Variants in PCDHGA3 observed in about 807,000 individuals in gnomAD.
The protein encoded by PCDHGA3 is protocadherin gamma-A3.
A neutral mutation model predicts 58.5 loss-of-function variants in PCDHGA3; 40 were observed. The observed-to-expected ratio is 0.68, with a 90% CI of 0.53 to 0.89. The LOEUF (loss-of-function observed/expected upper bound fraction) is 0.89. Ranked by LOEUF, PCDHGA3 falls within the 40% of genes least tolerant of loss-of-function variation. The probability of loss-of-function intolerance (pLI) is 0.00; values close to 1 mark genes in which losing one functional copy is unlikely to be tolerated. For missense variants in PCDHGA3, 1,223 were observed against 1,195.9 expected, an observed-to-expected ratio of 1.02 and a Z score of -0.33; for synonymous variants, 530 against 525.7, an observed-to-expected ratio of 1.01 and a Z score of -0.11.
chr5:141,351,889 C>A (rs1758860540), intron 1 of PCDHGA3: 1 of 1,613,278 alleles, frequency 6.2e-7, no homozygotes, highest in Non-Finnish European at 8.5e-7. Context: ...CCAACGTGAG[C>A]CTGCGCGTGT....
At position 141,491,093 on chromosome 5, in the gene PCDHGA3, T is replaced by G; in HGVS notation, c.2425-3714T>G. The G allele has an allele frequency of 6.2e-7, 1 of 1,614,160 alleles. No individual in the cohort carries two copies. The highest frequency in any genetic ancestry group is 8.5e-7 in the Non-Finnish European group (1 of 1,180,008). On this transcript the variant is annotated intron_variant, in intron 1 of 3. Transcript: ENST00000253812. This position sits in a 1 kb window ranked among gnomAD's most constrained non-coding sequence, Gnocchi z 6.9. ...TTGCCACAGTCCACAGCCCCAGGAC[T>G]GTTCCTCGTGTCTACACACACTGGT... is the stretch of plus-strand genomic sequence containing the variant.
At chr5:141,387,369 G>A (rs2090919487) in intron 1 of PCDHGA3, among the ~76,000 whole-genome samples, 1 of 152,148 alleles carries the variant, frequency 6.6e-6, no homozygotes, top group African/African-American at 2.4e-5. Context: ...CTGTGTTATG[G>A]CTATCTTTAT....
intron 1 of PCDHGA3, among the ~76,000 whole-genome samples, chr5:141,453,067 C>T (rs1227122711): frequency 1.3e-5 from 2 of 152,024 alleles, no homozygotes; most frequent in Admixed American, 6.6e-5. Flanking sequence ...AGAGTTTTGC[C>T]ACACTCTGGT....
chr5:141,432,632 G>A lies in PCDHGA3; in HGVS notation c.2425-62175G>A. 3.7e-6 allele frequency: 6 copies of A among 1,612,834 alleles called. No individual in the cohort carries two copies. The highest frequency in any genetic ancestry group is 5.1e-6 in the Non-Finnish European group (6 of 1,179,706). On this transcript the variant is annotated intron_variant, in intron 1 of 3. Coordinates refer to ENST00000253812, the MANE Select transcript of PCDHGA3 (RefSeq NM_018916.4). The surrounding 1 kb of genome is among the most constrained non-coding windows in gnomAD (Gnocchi z 6.0). ...CTTCTCGGTGGGTCTGCACACGGGC[G>A]AGGTGCGCACGGCGCGAGCCCTGCT...
chr5:141,456,103 T>C lies in PCDHGA3; in HGVS notation c.2425-38704T>C, dbSNP rs185224428. Among the ~76,000 whole-genome samples the C allele has an allele frequency of 2.6e-3, 390 of 152,142 alleles. 3 individuals are homozygous for C. The highest frequency in any genetic ancestry group is 6.7e-3 in the Admixed American group (103 of 15,290). On this transcript the variant is annotated intron_variant, in intron 1 of 3. Coordinates refer to ENST00000253812, the MANE Select transcript of PCDHGA3 (RefSeq NM_018916.4). The stretch of plus-strand genomic sequence containing the variant: ...CAGTAGAGACGGGATTTCACCGTGT[T>C]AGCCAGGATGGTCTCCATCTCCTGA...
At chr5:141,413,767 C>A in intron 1 of PCDHGA3, 1 of 1,612,972 alleles carries the variant, frequency 6.2e-7, no homozygotes, top group South Asian at 1.1e-5. Flanking sequence ...GTACCCGGAG[C>A]TGGTACTGGA....
intron 1 of PCDHGA3, among the ~76,000 whole-genome samples, chr5:141,455,439 C>T (rs966470257): frequency 1.3e-5 from 2 of 152,126 alleles, no homozygotes; most frequent in East Asian, 1.9e-4. Context: ...AGGAGGTCCC[C>T]ATCTACCGCG....
chr5:141,448,135 TA>T (rs2098567569), intron 1 of PCDHGA3, among the ~76,000 whole-genome samples: 1 of 151,880 alleles, frequency 6.6e-6, no homozygotes, highest in South Asian at 2.1e-4. Flanking sequence ...CCACCCTCAC[TA>T]TACCTCAGAC....
chr5:141,346,041 G>A lies in PCDHGA3; in HGVS notation c.2008G>A (p.Asp670Asn), dbSNP rs1757686734. 2 of 1,613,522 alleles carry A rather than the reference G, an allele frequency of 1.2e-6. No individual in the cohort carries two copies. Among genetic ancestry groups the A allele is most frequent in the Non-Finnish European group, 1.7e-6 (2 of 1,179,838 alleles). The change falls in exon 1 of 4, where the codon GAC becomes AAC. Residue 670 changes from aspartate (D) to asparagine (N), a missense_variant. By Grantham distance (23) the Asp-to-Asn change is conservative. Around this residue, in one of 3 missense-constraint regions of PCDHGA3, gnomAD observed 107 missense variants for 159.8 expected, o/e 0.67. Transcript: ENST00000253812. ...LTVAVADRIP[D>N]ILADLGSLEP... is the part of the protein sequence containing the mutation. ...CGTGGCCGTGGCCGACAGGATCCCC[G>A]ACATCCTGGCCGACCTGGGCAGCCT...
At chr5:141,389,603 C>T (rs1166074538) in intron 1 of PCDHGA3, 2 of 1,613,148 alleles carry the variant, frequency 1.2e-6, no homozygotes, top group Admixed American at 1.7e-5. Context: ...CTGCGCTCTT[C>T]GATATGGTGC....
At chr5:141,377,343 C>G (rs1218188915) in intron 1 of PCDHGA3, 1 of 152,110 alleles carries the variant, frequency 6.6e-6, no homozygotes. Context: ...TGGTGGTTCA[C>G]GCCTGTAATC....
chr5:141,388,373 T>TA (rs1239214460), intron 1 of PCDHGA3: 2 of 1,613,980 alleles, frequency 1.2e-6, no homozygotes, highest in African/African-American at 2.7e-5. Context: ...CGGATATTGG[T>TA]AGCAACACAC....
At chr5:141,464,426 G>GAT (rs1287556960) in intron 1 of PCDHGA3, among the ~76,000 whole-genome samples, 1 of 151,096 alleles carries the variant, frequency 6.6e-6, no homozygotes, top group African/African-American at 2.4e-5. Flanking sequence ...TATATATATA[G>GAT]ATATATATGT....
intron 1 of PCDHGA3, among the ~76,000 whole-genome samples, chr5:141,373,021 T>C (rs2150016771): frequency 6.6e-6 from 1 of 152,328 alleles, no homozygotes; most frequent in Non-Finnish European, 1.5e-5. Flanking sequence ...CTTTTGATAG[T>C]CTTGAAACTT....
chr5:141,497,626 G>T (rs1373764805), intron 2 of PCDHGA3, among the ~76,000 whole-genome samples: 3 of 149,502 alleles, frequency 2.0e-5, no homozygotes, highest in Non-Finnish European at 4.4e-5. Flanking sequence ...TGCAACCTCT[G>T]CCTGCCAGGT....
chr5:141,447,312 G>C (rs2098534178), intron 1 of PCDHGA3, among the ~76,000 whole-genome samples: 2 of 151,918 alleles, frequency 1.3e-5, no homozygotes, highest in African/African-American at 2.4e-5. Flanking sequence ...GCTAATTTTT[G>C]TATTTTTAGT....
At chr5:141,492,468 G>A (rs927514972) in intron 1 of PCDHGA3, among the ~76,000 whole-genome samples, 1 of 152,232 alleles carries the variant, frequency 6.6e-6, no homozygotes, top group Admixed American at 6.5e-5. Flanking sequence ...GAGGGTCCCA[G>A]ATCGCGGCCG....
At chr5:141,449,837 T>A (rs917239289) in intron 1 of PCDHGA3, among the ~76,000 whole-genome samples, 3 of 151,742 alleles carry the variant, frequency 2.0e-5, no homozygotes, top group Non-Finnish European at 4.4e-5. Context: ...TTCTTTTATA[T>A]AATTAAATTT....
intron 1 of PCDHGA3, chr5:141,398,277 C>T: frequency 1.4e-6 from 2 of 1,407,866 alleles, no homozygotes; most frequent in Non-Finnish European, 1.9e-6. Flanking sequence ...TGGGGAACCT[C>T]GCCACGGACC....
Sources: gnomAD v4.1 joint callset for allele counts (sites outside exome capture counted in the v4.1 genomes callset) on GRCh38, gnomAD v4.1.1 for gene constraint, gnomAD v4.1.1 regional missense constraint, Gnocchi (gnomAD v3.1) non-coding constraint, MANE v1.5 for transcripts, NCBI Gene and HGNC (gene_info 2026-07-23, HGNC 2026-07-21) for gene names.